IREB2: variants seen among roughly 807,000 people sequenced by gnomAD.
The protein encoded by IREB2 is iron-responsive element-binding protein 2.
In IREB2, 39 loss-of-function variants were observed where a neutral mutation model predicts 118.8. The observed-to-expected ratio is 0.33, with a 90% CI of 0.25 to 0.43. The LOEUF (loss-of-function observed/expected upper bound fraction) is 0.43, where lower values mean the gene tolerates loss of function less well. Among genes scored for constraint, IREB2 ranks in the 20% least tolerant of loss-of-function variants. The pLI, the probability that IREB2 is intolerant of heterozygous loss-of-function variation, is 1.00. For missense variants in IREB2, 900 were observed against 1,147.3 expected (o/e 0.78, Z 3.11); for synonymous variants, 372 against 392.2 (o/e 0.95, Z 0.61).
In IREB2 at chr15:78,500,169, A is replaced by G. The variant is rs2051916502; in HGVS notation, c.*2026A>G. On this transcript the variant is annotated 3_prime_UTR_variant, in exon 22 of 22. Transcript: ENST00000258886. ...CCGGCCTATATTGTTTTGAAAGCATACTCTATATATAGTTATGGGCAGAGG... is the reference window on the plus strand; with the variant it reads ...CCGGCCTATATTGTTTTGAAAGCATGCTCTATATATAGTTATGGGCAGAGG... 1 of 152,022 alleles carries G rather than the reference A, an allele frequency of 6.6e-6. No homozygotes were observed. Among genetic ancestry groups the G allele is most frequent in the African/African-American group, 2.4e-5 (1 of 41,370 alleles). 9.4% of individuals were successfully genotyped at this position (152,022 alleles called of 1,614,324 possible).
intron 18 of IREB2, among the ~76,000 whole-genome samples, chr15:78,493,658 T>G (rs1458718432): frequency 6.6e-6 from 1 of 152,112 alleles, no homozygotes; most frequent in African/African-American, 2.4e-5. Flanking sequence ...TTTAGTGAAA[T>G]GTACTGAAAA....
At chr15:78,471,200 G>A (rs571991878) in intron 6 of IREB2, among the ~76,000 whole-genome samples, 2 of 151,890 alleles carry the variant, frequency 1.3e-5, no homozygotes, top group African/African-American at 4.8e-5. Context: ...GTAGAGACGG[G>A]GTTTTGCCAT....
In IREB2 at chr15:78,497,286, C is replaced by T; in HGVS notation, c.2756C>T (p.Ser919Phe). 1 of 1,613,358 alleles carries T rather than the reference C, an allele frequency of 6.2e-7. No homozygotes were observed. The highest frequency in any genetic ancestry group is 8.5e-7 in the Non-Finnish European group (1 of 1,179,358). ...TFSLTFPEEL[S>F]PGITLNIQTS... ...TCTTTAACATTTCCTGAAGAACTGTCTCCTGGAATTACATTGAATATACAG... is the reference window on the plus strand; with the variant it reads ...TCTTTAACATTTCCTGAAGAACTGTTTCCTGGAATTACATTGAATATACAG... Residue 919 changes from serine to phenylalanine, a missense_variant, in exon 21 of 22, where the codon TCT becomes TTT. By Grantham distance (155) the Ser-to-Phe change is radical. Transcript: ENST00000258886.
chr15:78,487,321 A>G (rs772820491), intron 13 of IREB2, among the ~76,000 whole-genome samples: 1 of 152,180 alleles, frequency 6.6e-6, no homozygotes, highest in Non-Finnish European at 1.5e-5. Flanking sequence ...AGCAAGTAGT[A>G]TTTGGGGGAA....
At chr15:78,490,899 G>T (rs780856342) in intron 18 of IREB2, 138 bp downstream of exon 18, 174 of 789,506 alleles carry the variant, frequency 2.2e-4, no homozygotes, top group Non-Finnish European at 2.6e-4. Context: ...TTTGTCTTAA[G>T]CAAGAATGGA....
intron 11 of IREB2, among the ~76,000 whole-genome samples, chr15:78,484,159 C>G (rs1165119596): frequency 6.6e-6 from 1 of 152,018 alleles, no homozygotes; most frequent in Non-Finnish European, 1.5e-5. Context: ...TATTTTCTGT[C>G]TGAGAATCAC....
At chr15:78,473,418 A>ATG (rs1391691038) in intron 8 of IREB2, 37 bp downstream of exon 8, 2 of 1,569,354 alleles carry the variant, frequency 1.3e-6, no homozygotes, top group African/African-American at 2.7e-5. Flanking sequence ...GACTTACTGA[A>ATG]CATTATTTTT....
rs537149359 is a variant in IREB2, at chr15:78,438,464, C to G, written c.19+108C>G. 6.9e-5 allele frequency: 88 copies of G among 1,276,896 alleles called. No individual in the cohort carries two copies. In the East Asian group the frequency reaches 2.1e-3, roughly 30 times the overall value. The allele number at this position is 1,276,896 out of a possible 1,614,324, so 79.1% of individuals were successfully genotyped here. ...GAGTCGCTCGGCAGGCGCCCAGGCC[C>G]TCGGGGCTCGGGTTGTGCTCCCCTC... is the stretch of plus-strand genomic sequence containing the variant. On this transcript the variant is annotated intron_variant, in intron 1 of 21. Transcript: ENST00000258886.
At chr15:78,461,924 A>C (rs998793781) in intron 2 of IREB2, among the ~76,000 whole-genome samples, 4 of 152,186 alleles carry the variant, frequency 2.6e-5, no homozygotes, top group Non-Finnish European at 5.9e-5. Flanking sequence ...AGGTACTCCC[A>C]ATAAGGAAGT....
chr15:78,450,827 TG>T (rs2051012641), intron 2 of IREB2, among the ~76,000 whole-genome samples: 3 of 9,340 alleles, frequency 3.2e-4, no homozygotes, highest in Non-Finnish European at 8.0e-4. Flanking sequence ...AACAAATTTG[TG>T]TGTGTGTGTG....
intron 2 of IREB2, among the ~76,000 whole-genome samples, chr15:78,454,611 T>TA (rs1200006108): frequency 6.6e-6 from 1 of 152,200 alleles, no homozygotes; most frequent in African/African-American, 2.4e-5. Flanking sequence ...TTGGTAAACT[T>TA]ACGTTACAAA....
chr15:78,478,282 TC>T lies in IREB2; in HGVS notation c.1196-14del, dbSNP rs759260252. On this transcript the variant is annotated splice_polypyrimidine_tract_variant and intron_variant, in intron 9 of 21. Coordinates refer to ENST00000258886, the MANE Select transcript of IREB2 (RefSeq NM_004136.4). ...TTCTCACTGCATTTTGTTGTTTTGT[TC>T]ATCTTCGTTTTAGGTTTTAGCAAAG... is the stretch of plus-strand genomic sequence containing the variant. 1 of 1,509,386 alleles carries T rather than the reference TC, an allele frequency of 6.6e-7. No individual in the cohort carries two copies. The highest frequency in any genetic ancestry group is 2.3e-5 in the East Asian group (1 of 44,320). 93.5% of individuals were successfully genotyped at this position (1,509,386 alleles called of 1,614,324 possible). A position where few individuals can be genotyped will look rare whatever the true frequency, so the allele number is the denominator to read the frequency against.
intron 2 of IREB2, among the ~76,000 whole-genome samples, chr15:78,446,838 T>C (rs1048074894): frequency 6.6e-6 from 1 of 151,770 alleles, no homozygotes; most frequent in African/African-American, 2.4e-5. Flanking sequence ...ACAGGCACCA[T>C]GAAGGACATC....
At chr15:78,481,023 A>T (rs1265899866) in intron 10 of IREB2, among the ~76,000 whole-genome samples, 1 of 151,504 alleles carries the variant, frequency 6.6e-6, no homozygotes, top group African/African-American at 2.4e-5. Flanking sequence ...AAAAAAAAAA[A>T]TTTCCCAGCA....
chr15:78,466,099 T>A (rs79656750), intron 4 of IREB2, among the ~76,000 whole-genome samples, 172 bp from the exon 5 acceptor site: 2,598 of 152,266 alleles, frequency 0.017, 78 homozygotes, highest in African/African-American at 0.059. Context: ...GTTTCTTTTT[T>A]TATATATATA....
At chr15:78,439,180 A>G (rs2050806055) in intron 1 of IREB2, among the ~76,000 whole-genome samples, 1 of 152,338 alleles carries the variant, frequency 6.6e-6, no homozygotes, top group East Asian at 1.9e-4. Flanking sequence ...GTGCAAAACC[A>G]GAAGACTTGT....
intron 12 of IREB2, 94 bp downstream of exon 12, chr15:78,485,014 T>A: frequency 9.2e-7 from 1 of 1,083,614 alleles, no homozygotes; most frequent in Non-Finnish European, 1.3e-6. Flanking sequence ...GATGCATGAG[T>A]GTCTACATTT....
chr15:78,451,625 G>A (rs879641527), intron 2 of IREB2, among the ~76,000 whole-genome samples: 1 of 152,132 alleles, frequency 6.6e-6, no homozygotes, highest in Admixed American at 6.5e-5. Context: ...CTGAAAATCT[G>A]AAATCTGAAA....
At chr15:78,459,462 G>A (rs981873814) in intron 2 of IREB2, among the ~76,000 whole-genome samples, 2 of 152,094 alleles carry the variant, frequency 1.3e-5, no homozygotes, top group Non-Finnish European at 2.9e-5. Flanking sequence ...CAATTCTTGA[G>A]CCTCAGCCTC....
Sources: allele counts gnomAD v4.1 joint callset (sites outside exome capture counted in the v4.1 genomes callset), GRCh38; gene constraint gnomAD v4.1.1; transcripts MANE v1.5; gene names NCBI Gene and HGNC (gene_info 2026-07-23, HGNC 2026-07-21).